Variants in ANK2 observed in about 807,000 individuals in gnomAD.
ANK2 encodes the protein ankyrin-2.
ANK2 carries 83 observed loss-of-function variants against 360.5 expected under a neutral mutation model. The ratio of observed to expected loss-of-function variants is 0.23; its 90% CI spans 0.19 to 0.28. The LOEUF is 0.28. Ranked by LOEUF, ANK2 falls within the 10% of genes least tolerant of loss-of-function variation. The pLI is 1.00. For missense variants in ANK2, 4,201 were observed against 4,795.7 expected (o/e 0.88, Z 3.66); for synonymous variants, 1,740 against 1,759.5 (o/e 0.99, Z 0.28).
chr4:113,116,542 A>T (rs942219524), intron 1 of ANK2, among the ~76,000 whole-genome samples: 1 of 152,160 alleles, frequency 6.6e-6, no homozygotes, highest in Non-Finnish European at 1.5e-5. Context: ...GTGGCAAGTA[A>T]CTCCAACTGT....
intron 26 of ANK2, among the ~76,000 whole-genome samples, chr4:113,325,506 A>C (rs1369219797): frequency 6.6e-6 from 1 of 152,158 alleles, no homozygotes; most frequent in African/African-American, 2.4e-5. Flanking sequence ...CAAGATAGAG[A>C]TATAACTAGA....
chr4:112,830,153 A>G (rs781544672), intron 1 of ANK2, among the ~76,000 whole-genome samples: 2 of 152,150 alleles, frequency 1.3e-5, no homozygotes, highest in South Asian at 2.1e-4. Flanking sequence ...CACTGAGTGT[A>G]TAACAAAAGA....
chr4:113,192,985 A>T (rs1193623502), intron 2 of ANK2, among the ~76,000 whole-genome samples: 2 of 151,852 alleles, frequency 1.3e-5, no homozygotes, highest in East Asian at 3.9e-4. Flanking sequence ...TCAGTGGCCA[A>T]AAAGGGAGCT....
chr4:113,054,233 A>G (rs549861878), intron 1 of ANK2, among the ~76,000 whole-genome samples: 1 of 152,346 alleles, frequency 6.6e-6, no homozygotes, highest in Admixed American at 6.5e-5. Context: ...AGTAGGATAA[A>G]ATGGCTTTAT....
intron 1 of ANK2, among the ~76,000 whole-genome samples, chr4:112,855,276 C>T (rs2066073910): frequency 6.6e-6 from 1 of 152,226 alleles, no homozygotes; most frequent in Non-Finnish European, 1.5e-5. Flanking sequence ...TAATCTCTCA[C>T]TGTCCACCAG....
Position 113,356,759 on chromosome 4 carries a change from T to C in ANK2, c.8141T>C (p.Val2714Ala). 1 of 1,614,100 alleles carries C rather than the reference T, an allele frequency of 6.2e-7. No individual in the cohort carries two copies. Among genetic ancestry groups the C allele is most frequent in the Non-Finnish European group, 8.5e-7 (1 of 1,179,984 alleles). ...SPEEVQFQPV[V>A]SKQYTFKMNE... is the part of the protein sequence containing the mutation. Reference sequence around the variant, plus strand: ...GAAGAAGTACAATTCCAGCCTGTCGTTTCCAAACAATATACTTTCAAGATG... The same window carrying C: ...GAAGAAGTACAATTCCAGCCTGTCGCTTCCAAACAATATACTTTCAAGATG... The change falls in exon 38 of 46, where the codon GTT becomes GCT. Residue 2714 changes from valine to alanine, a missense_variant. Physicochemically the swap from Val to Ala is moderately conservative, Grantham distance 64. This residue lies in a region of ANK2 where 2,642 missense variants were observed against 2,714.5 expected (regional missense o/e 0.97). Coordinates refer to ENST00000357077, the MANE Select transcript of ANK2 (RefSeq NM_001148.6).
Position 113,353,690 on chromosome 4 carries a change from A to G in ANK2, c.5072A>G (p.Gln1691Arg), listed in dbSNP as rs775642139. The G allele has an allele frequency of 5.6e-6, 9 of 1,614,084 alleles. No homozygotes were observed. Among genetic ancestry groups the G allele is most frequent in the Non-Finnish European group, 7.6e-6 (9 of 1,179,992 alleles). ...CCCCCAGATGAGACACAGAGTACAC[A>G]GAAACAGCACAAACCAAGCTTGGGA... ...DIPPDETQST[Q>R]KQHKPSLGIK... Residue 1691 changes from glutamine to arginine, a missense_variant, in exon 38 of 46, where the codon CAG (glutamine) becomes CGG (arginine). Gln to Arg is a conservative substitution (Grantham distance 43, BLOSUM62 1). Transcript: ENST00000357077.
rs918324799 is a variant in ANK2, at chr4:112,855,991, G to A, written c.-40+37727G>A. Among the ~76,000 whole-genome samples the A allele has an allele frequency of 3.9e-5, 6 of 152,130 alleles. 1 individual carries two copies. The South Asian group carries it at 6.2e-4, about 16-fold the overall frequency. ...GAGTGAAGTTTAGATGTGGGTGCCC[G>A]CCCAGGAGGTGAGTGAATTCATGAT... On this transcript the variant is annotated intron_variant, in intron 1 of 30. Transcript: ENST00000503271.
Position 113,282,626 on chromosome 4 carries a change from A to G in ANK2, c.1882-49A>G. ...TCCTTTAGAGATACGTATTAGAGCA[A>G]TTGTTAATCTTACTCTATATGCATG... On this transcript the variant is annotated intron_variant, in intron 17 of 45. Coordinates refer to ENST00000357077, the MANE Select transcript of ANK2 (RefSeq NM_001148.6). 3.4e-6 allele frequency: 5 copies of G among 1,474,966 alleles called. No individual in the cohort carries two copies. The South Asian group carries it at 6.0e-5, about 18-fold the overall frequency. The allele number at this position is 1,474,966 out of a possible 1,614,324, so 91.4% of individuals were successfully genotyped here.
chr4:112,915,743 A>G (rs1205038630), intron 2 of ANK2, among the ~76,000 whole-genome samples: 1 of 150,946 alleles, frequency 6.6e-6, no homozygotes, highest in African/African-American at 2.5e-5. Context: ...CAACAGAGTG[A>G]GACTCTGTTT....
chr4:113,359,992 C>G (rs1300162629), intron 38 of ANK2, among the ~76,000 whole-genome samples: 1 of 152,146 alleles, frequency 6.6e-6, no homozygotes, highest in Non-Finnish European at 1.5e-5. Flanking sequence ...GATGATGGCT[C>G]TTTGACTTAT....
chr4:112,744,976 T>C, the ANK2 span, among the ~76,000 whole-genome samples: 1 of 152,272 alleles, frequency 6.6e-6, no homozygotes, highest in East Asian at 1.9e-4. Context: ...CATTTTCTAT[T>C]GGTGTTTTGC....
At position 112,903,333 on chromosome 4, in the gene ANK2, G is replaced by A. The variant is rs142598721; in HGVS notation, c.-39-1122G>A. On this transcript the variant is annotated intron_variant, in intron 1 of 30. Coordinates refer to the ANK2 transcript ENST00000503271. ...TCATCTTGGAGAGTTTGTAGAAAGT[G>A]TAGTCTTTAAAAATTATACTGAGAT... Among the ~76,000 whole-genome samples, 260 of 152,288 alleles carry A rather than the reference G, an allele frequency of 1.7e-3. 1 individual carries two copies. Among genetic ancestry groups the A allele is most frequent in the African/African-American group, 6.0e-3 (251 of 41,568 alleles).
At chr4:113,339,847 T>G (rs934210655) in intron 32 of ANK2, among the ~76,000 whole-genome samples, 1 of 152,256 alleles carries the variant, frequency 6.6e-6, no homozygotes, top group African/African-American at 2.4e-5. Flanking sequence ...TCCCATTCCT[T>G]TGATCTTTAA....
intron 2 of ANK2, among the ~76,000 whole-genome samples, chr4:112,905,736 A>C (rs2084965110): frequency 6.6e-6 from 1 of 152,206 alleles, no homozygotes; most frequent in Non-Finnish European, 1.5e-5. Context: ...ATCATGGCTC[A>C]GTGCAGCCTC....
At chr4:112,872,440 C>T (rs1371279531) in intron 1 of ANK2, among the ~76,000 whole-genome samples, 2 of 151,828 alleles carry the variant, frequency 1.3e-5, no homozygotes, top group Non-Finnish European at 1.5e-5. Context: ...TGGGTTCAAG[C>T]GATTCTCCCG....
the ANK2 span, among the ~76,000 whole-genome samples, chr4:112,761,315 C>T: frequency 2.0e-5 from 3 of 151,778 alleles, no homozygotes; most frequent in Non-Finnish European, 4.4e-5. Context: ...TGAGTTGGTG[C>T]TCAATAAATA....
chr4:113,183,233 G>A (rs188540450), intron 2 of ANK2, among the ~76,000 whole-genome samples: 57 of 152,186 alleles, frequency 3.7e-4, no homozygotes, highest in African/African-American at 1.3e-3. Flanking sequence ...GGGGATGGAG[G>A]TGGAGGAGGG....
At chr4:112,832,379 A>T (rs1490393185) in intron 1 of ANK2, among the ~76,000 whole-genome samples, 4 of 152,222 alleles carry the variant, frequency 2.6e-5, no homozygotes, top group Non-Finnish European at 1.5e-5. Context: ...CTTATATACC[A>T]AACCTGTATA....
Sources: gnomAD v4.1 joint callset for allele counts (sites outside exome capture counted in the v4.1 genomes callset) on GRCh38, gnomAD v4.1.1 for gene constraint, gnomAD v4.1.1 regional missense constraint, MANE v1.5 for transcripts, NCBI Gene and HGNC (gene_info 2026-07-23, HGNC 2026-07-21) for gene names.